Variants in KREMEN1 observed in about 807,000 individuals in gnomAD.
KREMEN1 encodes kremen protein 1.
In KREMEN1, 30 loss-of-function variants were observed where a neutral mutation model predicts 46.5. That is an observed-to-expected ratio of 0.65 (90% CI 0.48 to 0.88). KREMEN1 has a LOEUF of 0.88. Among genes scored for constraint, KREMEN1 ranks in the 40% least tolerant of loss-of-function variants. The pLI is 0.00. For missense variants in KREMEN1, 533 were observed against 596.9 expected (o/e 0.89, Z 1.11); for synonymous variants, 214 against 230.6 (o/e 0.93, Z 0.65).
At position 29,112,298 on chromosome 22, in the gene KREMEN1, CA is replaced by C. The variant is rs150592037; in HGVS notation, c.353-9058del. Among the ~76,000 whole-genome samples the C allele has an allele frequency of 4.4e-3, 665 of 152,202 alleles. 1 individual carries two copies. The highest frequency in any genetic ancestry group is 0.017 in the Middle Eastern group (5 of 294). ...GGCCCCAGTGTGAGGCAGCTGTGGC[CA>C]GAGGATGGAGCCCTTTGTCTTGTCC... On this transcript the variant is annotated intron_variant, in intron 3 of 8. Coordinates refer to ENST00000400335, the MANE Select transcript of KREMEN1 (RefSeq NM_001039570.3).
chr22:29,128,351 A>G (rs1459646972), intron 5 of KREMEN1, among the ~76,000 whole-genome samples: 2 of 152,216 alleles, frequency 1.3e-5, no homozygotes, highest in African/African-American at 4.8e-5. Flanking sequence ...AAGTCAAGGA[A>G]CATCTGTACT....
chr22:29,137,616 C>T lies in KREMEN1; in HGVS notation c.906C>T (p.Ile302=). ...LSFNVSLDFV[I]LYFFSDRINQ... ...TCAACGTCTCTCTGGACTTCGTCATCTTGTATTTCTTCTCTGATCGCATCA... is the reference window on the plus strand; with the variant it reads ...TCAACGTCTCTCTGGACTTCGTCATTTTGTATTTCTTCTCTGATCGCATCA... Residue 302 remains isoleucine, a synonymous_variant, in exon 6 of 9, where the codon ATC becomes ATT. Coordinates refer to ENST00000400335, the MANE Select transcript of KREMEN1 (RefSeq NM_001039570.3). The T allele has an allele frequency of 1.2e-6, 2 of 1,612,410 alleles. No homozygotes were observed. The highest frequency in any genetic ancestry group is 1.7e-6 in the Non-Finnish European group (2 of 1,178,558).
intron 9 of KREMEN1, among the ~76,000 whole-genome samples, chr22:29,158,305 T>C (rs2038981492): frequency 6.6e-6 from 1 of 152,074 alleles, no homozygotes. Flanking sequence ...CAGATGAATG[T>C]CAAGGGAAAC....
In KREMEN1 at chr22:29,143,190, T is replaced by C; in HGVS notation, c.*1078T>C. 1.0e-6 allele frequency: 1 copy of C among 985,340 alleles called. No homozygotes were observed. Among genetic ancestry groups the C allele is most frequent in the Non-Finnish European group, 1.2e-6 (1 of 829,910 alleles). The allele number at this position is 985,340 out of a possible 1,614,324, so 61.0% of individuals were successfully genotyped here. ...CAAATAAACAAAAAAAATCCATTCA[T>C]TTACTCATGCAATAAATTCTCCTGC... On this transcript the variant is annotated 3_prime_UTR_variant, in exon 9 of 9. Transcript: ENST00000400335.
At chr22:29,118,574 C>A (rs1164495225) in intron 3 of KREMEN1, among the ~76,000 whole-genome samples, 1 of 152,092 alleles carries the variant, frequency 6.6e-6, no homozygotes, top group East Asian at 1.9e-4. Flanking sequence ...CTGAGGGCTA[C>A]CTTCTTGCTG....
At chr22:29,100,101 T>C (rs2037951470) in intron 3 of KREMEN1, among the ~76,000 whole-genome samples, 3 of 151,156 alleles carry the variant, frequency 2.0e-5, no homozygotes, top group Admixed American at 2.0e-4. Context: ...AGTCTTTTTT[T>C]TTTTTTTTGA....
intron 9 of KREMEN1, among the ~76,000 whole-genome samples, chr22:29,159,139 T>TG (rs2038988854): frequency 6.7e-6 from 1 of 150,304 alleles, no homozygotes; most frequent in African/African-American, 2.4e-5. Context: ...TTTTTTTTTT[T>TG]TTTTTTTTTA....
rs1285423947 is a variant in KREMEN1 at position 29,073,504 on chromosome 22, C to A, written c.97+277C>A. Among the ~76,000 whole-genome samples, 1 of 151,952 alleles carries A rather than the reference C, an allele frequency of 6.6e-6. No individual in the cohort carries two copies. Among genetic ancestry groups the A allele is most frequent in the East Asian group, 2.0e-4 (1 of 5,118 alleles). On this transcript the variant is annotated intron_variant, in intron 1 of 8. Coordinates refer to ENST00000400335, the MANE Select transcript of KREMEN1 (RefSeq NM_001039570.3). The surrounding 1 kb of genome is among the most constrained non-coding windows in gnomAD (Gnocchi z 4.4). The stretch of plus-strand genomic sequence containing the variant: ...CCCTCAGCCCAGGAGGCCCTCTCCG[C>A]CTTGAGTCTTCCAAGACCCTCTGCG...
At chr22:29,130,304 T>C (rs1032600579) in intron 5 of KREMEN1, among the ~76,000 whole-genome samples, 1 of 152,186 alleles carries the variant, frequency 6.6e-6, no homozygotes, top group African/African-American at 2.4e-5. Flanking sequence ...AAGTGATTGG[T>C]CTAAGGATGG....
Position 29,116,031 on chromosome 22 carries a change from G to C in KREMEN1, c.353-5326G>C, listed in dbSNP as rs553624138. On this transcript the variant is annotated intron_variant, in intron 3 of 8. Coordinates refer to ENST00000400335, the MANE Select transcript of KREMEN1 (RefSeq NM_001039570.3). ...CTGGGGGGCAACCAGAGAGCTTTGA[G>C]GGTTTGGGGAAGGGCTCCATTTACC... is the stretch of plus-strand genomic sequence containing the variant. Among the ~76,000 whole-genome samples the C allele has an allele frequency of 7.5e-4, 114 of 152,154 alleles. 1 individual carries two copies. The highest frequency in any genetic ancestry group is 5.1e-4 in the Non-Finnish European group (35 of 68,028).
intron 1 of KREMEN1, among the ~76,000 whole-genome samples, chr22:29,090,755 C>T (rs1162655976): frequency 3.9e-5 from 6 of 152,148 alleles, no homozygotes; most frequent in South Asian, 2.1e-4. Context: ...GCAGAGCATT[C>T]GAGTTGGTTT....
At chr22:29,097,900 G>A (rs1258703278) in intron 2 of KREMEN1, among the ~76,000 whole-genome samples, 1 of 152,026 alleles carries the variant, frequency 6.6e-6, no homozygotes, top group Non-Finnish European at 1.5e-5. Context: ...AATCTAATAA[G>A]GCTGGGCACG....
At chr22:29,152,213 C>T (rs1280224307) in intron 9 of KREMEN1, among the ~76,000 whole-genome samples, 1 of 152,152 alleles carries the variant, frequency 6.6e-6, no homozygotes, top group Non-Finnish European at 1.5e-5. Context: ...GCAGTCTTTG[C>T]TGAATGGTCT....
intron 3 of KREMEN1, among the ~76,000 whole-genome samples, chr22:29,104,587 T>C (rs2038023351): frequency 6.6e-6 from 1 of 152,224 alleles, no homozygotes. Context: ...GTTATTGAGG[T>C]TAAAGTTAGT....
chr22:29,148,630 T>C (rs752352500), downstream of KREMEN1, among the ~76,000 whole-genome samples: 7 of 151,932 alleles, frequency 4.6e-5, no homozygotes, highest in Non-Finnish European at 7.4e-5. Context: ...AATTTTTGTA[T>C]TTTTAGTAGA....
At chr22:29,105,383 C>T (rs950231122) in intron 3 of KREMEN1, among the ~76,000 whole-genome samples, 2 of 124,840 alleles carry the variant, frequency 1.6e-5, no homozygotes, top group Non-Finnish European at 3.3e-5. Context: ...GATGTTAGGG[C>T]TGGGTGGGTT....
At chr22:29,110,897 A>G (rs2038136481) in intron 3 of KREMEN1, among the ~76,000 whole-genome samples, 1 of 152,142 alleles carries the variant, frequency 6.6e-6, no homozygotes, top group South Asian at 2.1e-4. Flanking sequence ...TAACCTGTTG[A>G]TGCTCTGAAA....
chr22:29,111,769 C>T (rs1230467821), intron 3 of KREMEN1: 1 of 150,970 alleles, frequency 6.6e-6, no homozygotes, highest in Non-Finnish European at 1.5e-5. Context: ...CATCTGGTTT[C>T]TTAAAGCAAA....
chr22:29,119,834 C>T (rs1005564250), intron 3 of KREMEN1, among the ~76,000 whole-genome samples: 5 of 152,150 alleles, frequency 3.3e-5, no homozygotes, highest in African/African-American at 1.2e-4. Flanking sequence ...TGATATAATC[C>T]CTAGAATCTG....
Sources: allele counts gnomAD v4.1 joint callset (sites outside exome capture counted in the v4.1 genomes callset), GRCh38; gene constraint gnomAD v4.1.1; non-coding constraint Gnocchi (gnomAD v3.1); transcripts MANE v1.5; gene names NCBI Gene and HGNC (gene_info 2026-07-23, HGNC 2026-07-21).